The following FBXL17 variants were observed in gnomAD, a reference collection of about 807,000 sequenced individuals.
The protein encoded by FBXL17 is F-box/LRR-repeat protein 17.
A neutral mutation model predicts 66.2 loss-of-function variants in FBXL17; 22 were observed. That is an observed-to-expected ratio of 0.33 (90% CI 0.24 to 0.47). FBXL17 has a LOEUF of 0.47. FBXL17 is among the 20% of genes least tolerant of loss of function. The pLI is 1.00. For missense variants in FBXL17, 878 were observed against 948.2 expected, an observed-to-expected ratio of 0.93 and a Z score of 0.97; for synonymous variants, 474 against 400.5, an observed-to-expected ratio of 1.18 and a Z score of -2.19.
At chr5:108,375,367 G>GCACACACACACA (rs61340348) in intron 1 of FBXL17, among the ~76,000 whole-genome samples, 68 of 148,846 alleles carry the variant, frequency 4.6e-4, no homozygotes, top group Middle Eastern at 3.4e-3. Flanking sequence ...CAGAGACCCT[G>GCACACACACACA]CACACACACA....
chr5:108,275,507 C>T (rs1757448000), intron 4 of FBXL17, among the ~76,000 whole-genome samples: 1 of 152,116 alleles, frequency 6.6e-6, no homozygotes, highest in African/African-American at 2.4e-5. Context: ...ACTTCTATTG[C>T]CACTAAATAG....
At chr5:108,174,193 G>A (rs1394258836) in intron 6 of FBXL17, among the ~76,000 whole-genome samples, 3 of 151,858 alleles carry the variant, frequency 2.0e-5, no homozygotes, top group Non-Finnish European at 4.4e-5. Flanking sequence ...TTCAGGCATA[G>A]GTAATCTACT....
In FBXL17 at chr5:108,223,225, A is replaced by G. The variant is rs1754949091; in HGVS notation, c.1614+896T>C. ...CTTCTCCTAGGGAGTAAAGAAAGAC[A>G]TTATTTCCCATTAAACTGTAAGCTC... is the stretch of plus-strand genomic sequence containing the variant. On this transcript the variant is annotated intron_variant, in intron 5 of 8. Coordinates refer to ENST00000542267, the MANE Select transcript of FBXL17 (RefSeq NM_001163315.3). 2.0e-5 allele frequency among the ~76,000 whole-genome samples: 3 copies of G among 152,158 alleles called. No homozygotes were observed. In the South Asian group the frequency reaches 6.2e-4, roughly 32 times the overall value.
intron 4 of FBXL17, among the ~76,000 whole-genome samples, chr5:108,294,698 G>C (rs139157744): frequency 6.6e-6 from 1 of 152,084 alleles, no homozygotes; most frequent in Non-Finnish European, 1.5e-5. Context: ...ATAAAGGTAA[G>C]TCTTTACTCT....
At chr5:108,301,985 G>T in intron 4 of FBXL17, 2 of 980,712 alleles carry the variant, frequency 2.0e-6, no homozygotes, top group Non-Finnish European at 2.4e-6. Flanking sequence ...CCTCCTAGTA[G>T]GACAGGCAAT....
intron 7 of FBXL17, among the ~76,000 whole-genome samples, chr5:107,893,600 C>T (rs1352274655): frequency 6.6e-6 from 1 of 152,176 alleles, no homozygotes; most frequent in Non-Finnish European, 1.5e-5. Context: ...CCAAAACCAA[C>T]AATATTCTGA....
At chr5:107,995,678 G>A (rs145212705) in intron 7 of FBXL17, among the ~76,000 whole-genome samples, 3,719 of 152,080 alleles carry the variant, frequency 0.024, 146 homozygotes, top group African/African-American at 0.079. Flanking sequence ...TGAGATTTAT[G>A]CTTAGAAATT....
intron 6 of FBXL17, among the ~76,000 whole-genome samples, chr5:108,118,279 C>A (rs1436764786): frequency 1.3e-5 from 2 of 152,162 alleles, no homozygotes; most frequent in African/African-American, 2.4e-5. Context: ...AAGGGACATC[C>A]CTGCCTGGTG....
chr5:108,209,373 T>C (rs945549048), intron 5 of FBXL17, among the ~76,000 whole-genome samples: 2 of 152,186 alleles, frequency 1.3e-5, no homozygotes, highest in Non-Finnish European at 2.9e-5. Flanking sequence ...AGAGAGGGCA[T>C]CCTTGTCTGG....
rs941935730 is a variant in FBXL17 at position 108,038,409 on chromosome 5, A to C, written c.1746-17408T>G. 2.6e-5 allele frequency among the ~76,000 whole-genome samples: 4 copies of C among 152,254 alleles called. No homozygotes were observed. The South Asian group carries it at 8.3e-4, about 32-fold the overall frequency. On this transcript the variant is annotated intron_variant, in intron 6 of 8. Transcript: ENST00000542267. Reference sequence around the variant, plus strand: ...TACGCCAAAAAAACCCTCAAAGTTTAGGGGATCAGAAGATGAAATATCAAT... The same window carrying C: ...TACGCCAAAAAAACCCTCAAAGTTTCGGGGATCAGAAGATGAAATATCAAT...
intron 7 of FBXL17, among the ~76,000 whole-genome samples, chr5:107,922,925 AT>A: frequency 6.6e-6 from 1 of 152,250 alleles, no homozygotes; most frequent in Admixed American, 6.5e-5. Context: ...AAGCATTACA[AT>A]TTTTTCTTTC....
At chr5:108,303,094 A>G (rs1161636939) in intron 4 of FBXL17, among the ~76,000 whole-genome samples, 1 of 151,824 alleles carries the variant, frequency 6.6e-6, no homozygotes, top group Admixed American at 6.6e-5. Context: ...TTAACTTTTA[A>G]TATACTCTTC....
intron 7 of FBXL17, among the ~76,000 whole-genome samples, chr5:107,946,898 G>A (rs1021377133): frequency 2.0e-5 from 3 of 151,986 alleles, no homozygotes; most frequent in African/African-American, 4.8e-5. Flanking sequence ...ACTGGGTAGC[G>A]CACAGTGACA....
At chr5:108,152,869 T>C (rs1042206594) in intron 6 of FBXL17, among the ~76,000 whole-genome samples, 1 of 152,356 alleles carries the variant, frequency 6.6e-6, no homozygotes, top group South Asian at 2.1e-4. Flanking sequence ...GCATCTTATA[T>C]GGTTTGGCTG....
intron 4 of FBXL17, among the ~76,000 whole-genome samples, chr5:108,241,319 A>T (rs867291823): frequency 3.3e-5 from 5 of 152,282 alleles, no homozygotes; most frequent in Non-Finnish European, 5.9e-5. Context: ...ATATTTTTTT[A>T]AATTGAGCAG....
chr5:108,324,740 A>G (rs1053131550), intron 4 of FBXL17, among the ~76,000 whole-genome samples: 5 of 150,972 alleles, frequency 3.3e-5, no homozygotes, highest in East Asian at 1.9e-4. Context: ...ATGTATATAT[A>G]TGTGTGTGTG....
intron 6 of FBXL17, among the ~76,000 whole-genome samples, chr5:108,131,167 C>T (rs1460631426): frequency 6.6e-6 from 1 of 152,016 alleles, no homozygotes; most frequent in African/African-American, 2.4e-5. Context: ...TATTTCTAAC[C>T]CCAGTAAATT....
At chr5:107,923,362 G>C (rs547871338) in intron 7 of FBXL17, among the ~76,000 whole-genome samples, 4 of 152,038 alleles carry the variant, frequency 2.6e-5, no homozygotes, top group Non-Finnish European at 5.9e-5. Flanking sequence ...TCCCAGTCTT[G>C]GTAAATAGGC....
At chr5:107,954,761 C>T (rs1057235426) in intron 7 of FBXL17, among the ~76,000 whole-genome samples, 1 of 151,748 alleles carries the variant, frequency 6.6e-6, no homozygotes, top group Non-Finnish European at 1.5e-5. Flanking sequence ...AAATGAAGGA[C>T]AATTGAGATA....
Sources: gnomAD v4.1 joint callset for allele counts (sites outside exome capture counted in the v4.1 genomes callset) on GRCh38, gnomAD v4.1.1 for gene constraint, MANE v1.5 for transcripts, NCBI Gene and HGNC (gene_info 2026-07-23, HGNC 2026-07-21) for gene names.